PRDM2: variants seen among roughly 807,000 people sequenced by gnomAD.
PRDM2 encodes PR domain zinc finger protein 2.
A neutral mutation model predicts 130.0 loss-of-function variants in PRDM2; 30 were observed. The observed-to-expected ratio is 0.23, with a 90% confidence interval of 0.17 to 0.31. The LOEUF (loss-of-function observed/expected upper bound fraction) is 0.31. Ranked by LOEUF, PRDM2 falls within the 10% of genes least tolerant of loss-of-function variation. The probability of loss-of-function intolerance (pLI) is 1.00; values close to 1 mark genes in which losing one functional copy is unlikely to be tolerated. For missense variants in PRDM2, 2,011 were observed against 2,108.4 expected (o/e 0.95, Z 0.90); for synonymous variants, 871 against 782.4 (o/e 1.11, Z -1.89).
intron 6 of PRDM2, among the ~76,000 whole-genome samples, chr1:13,758,777 GTTT>G (rs1644025085): frequency 6.6e-6 from 1 of 152,064 alleles, no homozygotes; most frequent in Non-Finnish European, 1.5e-5. Flanking sequence ...TTTGATGAAA[GTTT>G]TAATAATCTA....
intron 6 of PRDM2, among the ~76,000 whole-genome samples, chr1:13,754,656 C>T (rs1007903654): frequency 1.2e-4 from 18 of 152,242 alleles, no homozygotes; most frequent in Admixed American, 2.6e-4. Flanking sequence ...CCTAACCTTT[C>T]GTAGCAGCCA....
At chr1:13,740,355 G>A (rs548075604) in intron 4 of PRDM2, among the ~76,000 whole-genome samples, 1 of 152,166 alleles carries the variant, frequency 6.6e-6, no homozygotes, top group Non-Finnish European at 1.5e-5. Context: ...GTGGGACTTT[G>A]CCATCACTGC....
At chr1:13,702,028 T>C (rs1642087209) in intron 1 of PRDM2, among the ~76,000 whole-genome samples, 1 of 152,164 alleles carries the variant, frequency 6.6e-6, no homozygotes, top group Admixed American at 6.5e-5. Context: ...CTGTAGAAAA[T>C]TGGAAAGTAG....
At chr1:13,736,394 T>C (rs998902490) in intron 4 of PRDM2, among the ~76,000 whole-genome samples, 1 of 152,204 alleles carries the variant, frequency 6.6e-6, no homozygotes. Flanking sequence ...AGTGCTGGGG[T>C]TACAGGTGCG....
intron 6 of PRDM2, among the ~76,000 whole-genome samples, chr1:13,766,390 T>G (rs1303359855): frequency 6.6e-6 from 1 of 152,202 alleles, no homozygotes; most frequent in South Asian, 2.1e-4. Context: ...AGTTGTCAAA[T>G]GTGAAGGAGA....
chr1:13,748,283 CT>C (rs1210278524), intron 5 of PRDM2, among the ~76,000 whole-genome samples: 1 of 152,190 alleles, frequency 6.6e-6, no homozygotes, highest in Admixed American at 6.5e-5. Context: ...CTTTTACCTA[CT>C]TTTAGCATCC....
At chr1:13,787,683 T>C (rs1644769237) in intron 8 of PRDM2, 1 of 982,742 alleles carries the variant, frequency 1.0e-6, no homozygotes. Flanking sequence ...ACGCTTCAAT[T>C]GTATTATATG....
intron 8 of PRDM2, among the ~76,000 whole-genome samples, chr1:13,789,788 C>CT (rs1407669640): frequency 1.7e-4 from 26 of 152,304 alleles, no homozygotes; most frequent in African/African-American, 6.3e-4. Context: ...AAAGGGTTGA[C>CT]TAGGATATAA....
intron 4 of PRDM2, among the ~76,000 whole-genome samples, chr1:13,737,924 T>C (rs1177373849): frequency 2.0e-5 from 3 of 152,174 alleles, no homozygotes; most frequent in Non-Finnish European, 2.9e-5. Flanking sequence ...TAATACCTCA[T>C]GGAAATTTTT....
intron 8 of PRDM2, chr1:13,787,879 CACTG>C: frequency 1.0e-6 from 1 of 984,104 alleles, no homozygotes; most frequent in African/African-American, 1.7e-5. Context: ...ACCAATGTAG[CACTG>C]AGAGAGAGAG....
At chr1:13,700,494 G>T (rs1557585917) in intron 1 of PRDM2, among the ~76,000 whole-genome samples, 194 bp downstream of exon 1, 1 of 150,632 alleles carries the variant, frequency 6.6e-6, no homozygotes, top group Admixed American at 6.6e-5. Flanking sequence ...GGGCCTCCGG[G>T]TCGGTGGCCC....
intron 2 of PRDM2, among the ~76,000 whole-genome samples, chr1:13,720,526 G>A (rs938404889): frequency 9.2e-5 from 14 of 152,090 alleles, no homozygotes; most frequent in Non-Finnish European, 1.9e-4. Context: ...TTTGAGGAGA[G>A]GGCTGTTAGA....
In PRDM2 at chr1:13,782,696, C is replaced by T; in HGVS notation, c.4901C>T (p.Thr1634Ile). 1.9e-6 allele frequency: 3 copies of T among 1,614,080 alleles called. No homozygotes were observed. The highest frequency in any genetic ancestry group is 2.5e-6 in the Non-Finnish European group (3 of 1,180,014). ...TCCACCTTGGCGAGTAAGAAAAGAACAGACCGGTTCAATATAAAATCTAGA... is the reference window on the plus strand; with the variant it reads ...TCCACCTTGGCGAGTAAGAAAAGAATAGACCGGTTCAATATAAAATCTAGA... ...SKSTLASKKR[T>I]DRFNIKSRER... Residue 1634 changes from threonine (T) to isoleucine (I), a missense_variant, in exon 8 of 10, where the codon ACA becomes ATA. This residue lies in a region of PRDM2 where 410 missense variants were observed against 395.9 expected (regional missense o/e 1.04). Transcript: ENST00000311066.
In PRDM2 at chr1:13,771,062, A is replaced by G. The variant is rs755842736; in HGVS notation, c.512-2016A>G. ...ACTGATGGAAAGGAGGTAGAATCCA[A>G]ATTCCCTTAAACAAAACTGGATCCC... On this transcript the variant is annotated intron_variant, in intron 6 of 9. Transcript: ENST00000311066. The surrounding 1 kb of genome is among the most constrained non-coding windows in gnomAD (Gnocchi z 4.1). Among the ~76,000 whole-genome samples the G allele has an allele frequency of 6.6e-6, 1 of 152,200 alleles. No homozygotes were observed. The highest frequency in any genetic ancestry group is 1.5e-5 in the Non-Finnish European group (1 of 68,044).
chr1:13,732,356 T>C (rs1487406583), intron 3 of PRDM2, among the ~76,000 whole-genome samples: 1 of 152,170 alleles, frequency 6.6e-6, no homozygotes, highest in Non-Finnish European at 1.5e-5. Flanking sequence ...TAAGAACAAG[T>C]CATGTTCATT....
chr1:13,750,971 C>T (rs1396143215), intron 6 of PRDM2, among the ~76,000 whole-genome samples: 2 of 152,052 alleles, frequency 1.3e-5, no homozygotes, highest in Admixed American at 6.6e-5. Context: ...AGGACAGTAC[C>T]CTCTTTACTG....
chr1:13,755,543 G>A (rs1261920488), intron 6 of PRDM2, among the ~76,000 whole-genome samples: 2 of 152,094 alleles, frequency 1.3e-5, no homozygotes, highest in East Asian at 3.8e-4. Context: ...TACTTTAGTT[G>A]ATTTTTACAA....
At chr1:13,750,982 TGC>T (rs1281508138) in intron 6 of PRDM2, among the ~76,000 whole-genome samples, 1 of 152,210 alleles carries the variant, frequency 6.6e-6, no homozygotes, top group Non-Finnish European at 1.5e-5. Flanking sequence ...CTCTTTACTG[TGC>T]CACTAATCAT....
In PRDM2 at chr1:13,731,060, C is replaced by G; in HGVS notation, c.70C>G (p.Arg24Gly). 1 of 1,612,768 alleles carries G rather than the reference C, an allele frequency of 6.2e-7. No individual in the cohort carries two copies. The highest frequency in any genetic ancestry group is 8.5e-7 in the Non-Finnish European group (1 of 1,179,726). Residue 24 changes from arginine to glycine, a missense_variant, in exon 3 of 10, where the codon CGA becomes GGA. By Grantham distance (125) the Arg-to-Gly change is moderately radical (BLOSUM62 -2). Transcript: ENST00000311066. ...TLAEVPEHVL[R>G]GLPEEVRLFP... is the part of the protein sequence containing the mutation. ...GGCTGAGGTACCCGAACATGTGCTGCGAGGACTTCCGGAGGAAGTGAGGCT... is the reference window on the plus strand; with the variant it reads ...GGCTGAGGTACCCGAACATGTGCTGGGAGGACTTCCGGAGGAAGTGAGGCT...
Sources: gnomAD v4.1 joint callset for allele counts (sites outside exome capture counted in the v4.1 genomes callset) on GRCh38, gnomAD v4.1.1 for gene constraint, gnomAD v4.1.1 regional missense constraint, Gnocchi (gnomAD v3.1) non-coding constraint, MANE v1.5 for transcripts, NCBI Gene and HGNC (gene_info 2026-07-23, HGNC 2026-07-21) for gene names.